The following SPAG16 variants were observed in gnomAD, a reference collection of about 807,000 sequenced individuals.
The protein encoded by SPAG16 is sperm associated antigen 16.
A neutral mutation model predicts 80.4 loss-of-function variants in SPAG16; 86 were observed. The observed-to-expected ratio is 1.07, with a 90% CI of 0.90 to 1.28. The LOEUF is 1.28. SPAG16 is among the 50% of genes most tolerant of loss of function. The probability of loss-of-function intolerance (pLI) is 0.00; values close to 1 mark genes in which losing one functional copy is unlikely to be tolerated. For synonymous variants in SPAG16, 294 were observed against 265.9 expected, an observed-to-expected ratio of 1.11 and a Z score of -1.03; for missense variants, 870 against 765.3, an observed-to-expected ratio of 1.14 and a Z score of -1.61.
At chr2:213,357,130 G>A (rs1218325019) in intron 7 of SPAG16, among the ~76,000 whole-genome samples, 1 of 151,922 alleles carries the variant, frequency 6.6e-6, no homozygotes, top group Admixed American at 6.6e-5. Flanking sequence ...ACAGTTTGTT[G>A]TGATTTGTAT....
At chr2:214,216,016 G>C (rs1269462820) in intron 15 of SPAG16, among the ~76,000 whole-genome samples, 2 of 152,148 alleles carry the variant, frequency 1.3e-5, no homozygotes, top group Non-Finnish European at 2.9e-5. Context: ...GGCCATTCTG[G>C]TTGCAAACAA....
chr2:213,934,277 G>A (rs6746290), intron 12 of SPAG16, among the ~76,000 whole-genome samples: 51,483 of 152,074 alleles, frequency 0.34, 9,168 homozygotes, highest in South Asian at 0.47. Context: ...TTATACTGCA[G>A]TTATTCTGTC....
intron 15 of SPAG16, among the ~76,000 whole-genome samples, chr2:214,196,033 G>T (rs2057826991): frequency 6.6e-6 from 1 of 151,970 alleles, no homozygotes; most frequent in Non-Finnish European, 1.5e-5. Flanking sequence ...AGTGTAAAAA[G>T]TTACCAGAAC....
chr2:214,039,113 G>A (rs569132946), intron 13 of SPAG16, among the ~76,000 whole-genome samples: 95 of 152,222 alleles, frequency 6.2e-4, no homozygotes, highest in Non-Finnish European at 5.0e-4. Context: ...CTGAGGAATC[G>A]CCACACTGAC....
intron 10 of SPAG16, among the ~76,000 whole-genome samples, chr2:213,729,895 A>G (rs2066949033): frequency 6.6e-6 from 1 of 152,180 alleles, no homozygotes; most frequent in African/African-American, 2.4e-5. Context: ...AGTCCTCTAT[A>G]TTTAATGTCT....
intron 5 of SPAG16, among the ~76,000 whole-genome samples, chr2:213,318,426 C>T (rs1386628055): frequency 6.6e-6 from 1 of 151,908 alleles, no homozygotes; most frequent in Non-Finnish European, 1.5e-5. Context: ...CACATATTCT[C>T]ACTTATAAGT....
chr2:214,348,026 C>T (rs1055389774), intron 15 of SPAG16, among the ~76,000 whole-genome samples: 7 of 152,168 alleles, frequency 4.6e-5, no homozygotes, highest in South Asian at 4.1e-4. Context: ...AGGATCACTA[C>T]GGACCAGTGA....
intron 12 of SPAG16, among the ~76,000 whole-genome samples, chr2:213,991,540 G>A (rs927173536): frequency 1.3e-5 from 2 of 151,990 alleles, no homozygotes; most frequent in African/African-American, 2.4e-5. Context: ...TTATTCATCT[G>A]AATCCATGTT....
intron 3 of SPAG16, among the ~76,000 whole-genome samples, chr2:213,300,349 A>G (rs987557287): frequency 2.0e-5 from 3 of 152,178 alleles, no homozygotes; most frequent in African/African-American, 4.8e-5. Flanking sequence ...ATTTTTGGAG[A>G]AGACTAATTG....
chr2:213,375,011 T>C lies in SPAG16; in HGVS notation c.834T>C (p.Val278=), dbSNP rs2066815687. The change falls in exon 9 of 16, where the codon GTT becomes GTC. Residue 278 remains valine (V), a splice_region_variant and synonymous_variant. Transcript: ENST00000331683. The part of the protein sequence containing the change: ...GHSYHGPQIK[V]DHSREKENAP... ...AGAATAAATTATATTATCTTGTAGTTGATCATAGTCGTGAAAAAGAAAATG... is the reference window on the plus strand; with the variant it reads ...AGAATAAATTATATTATCTTGTAGTCGATCATAGTCGTGAAAAAGAAAATG... The C allele has an allele frequency of 6.3e-7, 1 of 1,594,698 alleles. No homozygotes were observed.
At chr2:213,441,154 GC>G (rs2070927584) in intron 9 of SPAG16, among the ~76,000 whole-genome samples, 1 of 152,066 alleles carries the variant, frequency 6.6e-6, no homozygotes, top group Non-Finnish European at 1.5e-5. Context: ...AGAAATATGG[GC>G]CCATGAGTAG....
chr2:213,367,462 CTT>C (rs1275580996), intron 8 of SPAG16, among the ~76,000 whole-genome samples: 1 of 152,282 alleles, frequency 6.6e-6, no homozygotes, highest in Non-Finnish European at 1.5e-5. Context: ...TGTTTCCTGA[CTT>C]TTTAATGATC....
At position 213,529,312 on chromosome 2, in the gene SPAG16, C is replaced by T. The variant is rs1284330180; in HGVS notation, c.1070+39222C>T. Reference sequence around the variant, plus strand: ...GCTGGTCAACCAGGCTTCCCTTCTACTCCTCAAAAAAGCCCTGATTTGTAG... The same window carrying T: ...GCTGGTCAACCAGGCTTCCCTTCTATTCCTCAAAAAAGCCCTGATTTGTAG... On this transcript the variant is annotated intron_variant, in intron 10 of 15. Transcript: ENST00000331683. 2.6e-5 allele frequency among the ~76,000 whole-genome samples: 4 copies of T among 152,266 alleles called. No individual in the cohort carries two copies. The East Asian group carries it at 7.7e-4, about 29-fold the overall frequency.
intron 4 of SPAG16, among the ~76,000 whole-genome samples, chr2:213,311,724 AT>A (rs1010861409): frequency 6.6e-5 from 10 of 151,654 alleles, no homozygotes; most frequent in African/African-American, 2.4e-4. Context: ...CATATGAAAC[AT>A]TTTTTATTTT....
At chr2:213,344,860 T>C (rs142800200) in intron 6 of SPAG16, among the ~76,000 whole-genome samples, 9,079 of 152,232 alleles carry the variant, frequency 0.06, 901 homozygotes, top group African/African-American at 0.21. Context: ...TGTGTATTTA[T>C]AGCAGCATGA....
At chr2:213,842,656 G>T (rs1415401774) in intron 10 of SPAG16, among the ~76,000 whole-genome samples, 2 of 152,156 alleles carry the variant, frequency 1.3e-5, no homozygotes, top group Non-Finnish European at 2.9e-5. Context: ...AGTGTAATAT[G>T]TTCATCTCCT....
intron 10 of SPAG16, among the ~76,000 whole-genome samples, chr2:213,842,343 T>C (rs1373014501): frequency 6.6e-6 from 1 of 152,130 alleles, no homozygotes; most frequent in Non-Finnish European, 1.5e-5. Flanking sequence ...AAAAATTTGG[T>C]GTTTATCTTC....
At chr2:214,201,809 CTTTCTTTTCT>C (rs200158787) in intron 15 of SPAG16, among the ~76,000 whole-genome samples, 46 of 152,040 alleles carry the variant, frequency 3.0e-4, no homozygotes, top group African/African-American at 8.4e-4. Context: ...AATCACATTT[CTTTCTTTTCT>C]TTTCTTTTCT....
chr2:213,613,268 C>T (rs541953587), intron 10 of SPAG16, among the ~76,000 whole-genome samples: 31 of 152,290 alleles, frequency 2.0e-4, no homozygotes, highest in Non-Finnish European at 3.8e-4. Flanking sequence ...ATATGGAGAT[C>T]ATTGTACTCC....
Sources: allele counts gnomAD v4.1 joint callset (sites outside exome capture counted in the v4.1 genomes callset), GRCh38; gene constraint gnomAD v4.1.1; transcripts MANE v1.5; gene names NCBI Gene and HGNC (gene_info 2026-07-23, HGNC 2026-07-21).